The following PPP2R2D variants were observed in gnomAD, a reference collection of about 807,000 sequenced individuals.
PPP2R2D encodes protein phosphatase 2 regulatory subunit Bdelta.
PPP2R2D carries 9 observed loss-of-function variants against 31.1 expected under a neutral mutation model. The observed-to-expected ratio is 0.29, with a 90% CI of 0.17 to 0.51. PPP2R2D has a LOEUF of 0.51. Ranked by LOEUF, PPP2R2D falls within the 20% of genes least tolerant of loss-of-function variation. PPP2R2D has a pLI of 0.98. For missense variants in PPP2R2D, 391 were observed against 465.6 expected, an observed-to-expected ratio of 0.84 and a Z score of 1.48; for synonymous variants, 179 against 172.6, an observed-to-expected ratio of 1.04 and a Z score of -0.29.
chr10:131,902,306 C>T (rs1009784874), intron 2 of PPP2R2D, among the ~76,000 whole-genome samples: 1 of 152,208 alleles, frequency 6.6e-6, no homozygotes, highest in African/African-American at 2.4e-5. Flanking sequence ...TTCCCTGCCT[C>T]AAGTTACTAA....
intron 8 of PPP2R2D, among the ~76,000 whole-genome samples, chr10:131,954,354 G>A (rs1554899579): frequency 6.6e-6 from 1 of 152,242 alleles, no homozygotes; most frequent in Non-Finnish European, 1.5e-5. Context: ...TAACATAAAT[G>A]TAAGCTTCAG....
chr10:131,951,266 G>A (rs1434135638), intron 8 of PPP2R2D, among the ~76,000 whole-genome samples: 1 of 152,216 alleles, frequency 6.6e-6, no homozygotes, highest in East Asian at 1.9e-4. Flanking sequence ...CTTCTTGCAT[G>A]TTCAGACAAG....
At position 131,901,252 on chromosome 10, in the gene PPP2R2D, G is replaced by A; in HGVS notation, c.22G>A (p.Gly8Ser). 1 of 357,362 alleles carries A rather than the reference G, an allele frequency of 2.8e-6. No individual in the cohort carries two copies. The highest frequency in any genetic ancestry group is 5.0e-6 in the Non-Finnish European group (1 of 199,484). The allele number at this position is 357,362 out of a possible 1,614,324, so 22.1% of individuals were successfully genotyped here. A position where few individuals can be genotyped will look rare whatever the true frequency, so the allele number is the denominator to read the frequency against. The change falls in exon 2 of 9, where the codon GGC (glycine) becomes AGC (serine). Residue 8 changes from glycine to serine, a missense_variant. This residue lies in a region of PPP2R2D where 105 missense variants were observed against 98.5 expected (regional missense o/e 1.07). Coordinates refer to ENST00000455566, the MANE Select transcript of PPP2R2D (RefSeq NM_018461.5). ...TGTGTTTGCAGGAGCCGGAGGCGGCGGCTGCCCCGCGGGCGGCAACGACTT... is the reference window on the plus strand; with the variant it reads ...TGTGTTTGCAGGAGCCGGAGGCGGCAGCTGCCCCGCGGGCGGCAACGACTT... MAGAGGG[G>S]CPAGGNDFQW...
In PPP2R2D at chr10:131,955,745, G is replaced by C. The variant is rs1160540854; in HGVS notation, c.1144G>C (p.Asp382His). Reference sequence around the variant, plus strand: ...GATGTTTGATAGAGACACGCGGAGGGATGTGACCCTGGAGGCCTCGAGAGA... The same window carrying C: ...GATGTTTGATAGAGACACGCGGAGGCATGTGACCCTGGAGGCCTCGAGAGA... ...FRMFDRDTRR[D>H]VTLEASRESS... Residue 382 changes from aspartate (D) to histidine (H), a missense_variant, in exon 9 of 9, where the codon GAT (aspartate) becomes CAT (histidine). Transcript: ENST00000455566. The C allele has an allele frequency of 1.4e-5, 21 of 1,555,192 alleles. No individual in the cohort carries two copies. Among genetic ancestry groups the C allele is most frequent in the Non-Finnish European group, 1.7e-5 (20 of 1,145,468 alleles).
intron 8 of PPP2R2D, among the ~76,000 whole-genome samples, chr10:131,948,081 A>G (rs931435081): frequency 6.6e-6 from 1 of 152,306 alleles, no homozygotes; most frequent in Non-Finnish European, 1.5e-5. Context: ...ATTACTTTTT[A>G]TTATGCTGAT....
chr10:131,947,903 GTGT>G lies in PPP2R2D; in HGVS notation c.1082+117_1082+119del, dbSNP rs1432028681. 5.1e-6 allele frequency: 7 copies of G among 1,382,600 alleles called. No individual in the cohort carries two copies. The African/African-American group carries it at 1.0e-4, about 20-fold the overall frequency. 85.6% of individuals were successfully genotyped at this position (1,382,600 alleles called of 1,614,324 possible). On this transcript the variant is annotated intron_variant, in intron 8 of 8. Transcript: ENST00000455566. This position sits in a 1 kb window ranked among gnomAD's most constrained non-coding sequence, Gnocchi z 4.3. ...AGCGTCAGAGGAGGACGCTCATAGG[GTGT>G]TGTTTTCCAGACCTTTTGATTGATG...
In PPP2R2D at chr10:131,955,646, C is replaced by T. The variant is rs781865044; in HGVS notation, c.1083-38C>T. The T allele has an allele frequency of 5.1e-6, 7 of 1,367,354 alleles. No individual in the cohort carries two copies. In the Admixed American group the frequency reaches 1.1e-4, roughly 22 times the overall value. The allele number at this position is 1,367,354 out of a possible 1,614,324, so 84.7% of individuals were successfully genotyped here. ...TCTGAGTCCTTGCTGCCGCTCCCCC[C>T]ACTGAGGAGTGCTGCTGTCTGCTCT... On this transcript the variant is annotated intron_variant, in intron 8 of 8. Transcript: ENST00000455566.
Position 131,955,845 on chromosome 10 carries a change from G to C in PPP2R2D, c.1244G>C (p.Ser415Thr), listed in dbSNP as rs565049203. Residue 415 changes from serine (S) to threonine (T), a missense_variant, in exon 9 of 9, where the codon AGT becomes ACT. By Grantham distance (58) the Ser-to-Thr change is moderately conservative. This residue lies in a region of PPP2R2D where 163 missense variants were observed against 179.5 expected (regional missense o/e 0.91). Coordinates refer to ENST00000455566, the MANE Select transcript of PPP2R2D (RefSeq NM_018461.5). ...TGGKRRKDEI[S>T]VDSLDFNKKI... ...GGTAAGCGGAGGAAAGACGAGATCA[G>C]TGTGGACAGTCTGGACTTCAACAAG... is the stretch of plus-strand genomic sequence containing the variant. 4 of 1,610,718 alleles carry C rather than the reference G, an allele frequency of 2.5e-6. No homozygotes were observed. The South Asian group carries it at 4.4e-5, about 18-fold the overall frequency.
chr10:131,930,619 T>A (rs1042379670), intron 2 of PPP2R2D, among the ~76,000 whole-genome samples: 22 of 152,238 alleles, frequency 1.4e-4, no homozygotes, highest in Admixed American at 1.3e-3. Context: ...CCACCATGTT[T>A]CCTGCAACCT....
intron 2 of PPP2R2D, among the ~76,000 whole-genome samples, chr10:131,921,611 T>C (rs1554894259): frequency 6.6e-6 from 1 of 152,142 alleles, no homozygotes; most frequent in African/African-American, 2.4e-5. Flanking sequence ...TGGTCTTTAC[T>C]AAGGGCAGTG....
chr10:131,903,065 A>T (rs941639376), intron 2 of PPP2R2D, among the ~76,000 whole-genome samples: 1 of 145,448 alleles, frequency 6.9e-6, no homozygotes, highest in Non-Finnish European at 1.5e-5. Flanking sequence ...TTCTTTACTT[A>T]AAAAAAAAAA....
At chr10:131,964,365 C>T (rs564110315), downstream of PPP2R2D, among the ~76,000 whole-genome samples, 1 of 151,906 alleles carries the variant, frequency 6.6e-6, no homozygotes, top group South Asian at 2.1e-4. Context: ...AAATAACCGT[C>T]ACCACCACCG....
chr10:131,946,659 A>G (rs189709377), intron 7 of PPP2R2D, among the ~76,000 whole-genome samples: 2 of 152,258 alleles, frequency 1.3e-5, no homozygotes, highest in Admixed American at 1.3e-4. Context: ...AGAGTGATTT[A>G]TTTGAGTAAA....
chr10:131,963,008 C>CA (rs1223449307), downstream of PPP2R2D, among the ~76,000 whole-genome samples: 4 of 152,138 alleles, frequency 2.6e-5, no homozygotes, highest in African/African-American at 4.8e-5. Context: ...ACTAAAAATA[C>CA]AAAAAATTTA....
At chr10:131,964,765 TTTA>T (rs1265852407), downstream of PPP2R2D, among the ~76,000 whole-genome samples, 1 of 150,920 alleles carries the variant, frequency 6.6e-6, no homozygotes. Flanking sequence ...TCAGTATGGC[TTTA>T]TTATTTATAA....
intron 2 of PPP2R2D, among the ~76,000 whole-genome samples, chr10:131,929,293 C>T (rs1000276249): frequency 2.4e-4 from 36 of 152,206 alleles, no homozygotes; most frequent in Non-Finnish European, 4.4e-5. Context: ...GCTGGAAATG[C>T]CATCGTGGGA....
chr10:131,971,000 CAGTGT>C, the PPP2R2D span: 1 of 1,595,474 alleles, frequency 6.3e-7, no homozygotes, highest in South Asian at 1.1e-5. This position sits in a 1 kb window ranked among gnomAD's most constrained non-coding sequence, Gnocchi z 4.1. Flanking sequence ...AAAGGCAGAT[CAGTGT>C]ACCACACGTG....
At chr10:131,918,283 G>A (rs577353206) in intron 2 of PPP2R2D, among the ~76,000 whole-genome samples, 10 of 150,388 alleles carry the variant, frequency 6.6e-5, no homozygotes, top group South Asian at 4.2e-4. Context: ...GACCTCAGGC[G>A]GGTGGAATGA....
chr10:131,969,925 A>G, the PPP2R2D span: 2 of 152,624 alleles, frequency 1.3e-5, no homozygotes, highest in African/African-American at 2.4e-5. Context: ...GCGGTGGCTC[A>G]CGCCTGTAAT....
Sources: allele counts gnomAD v4.1 joint callset (sites outside exome capture counted in the v4.1 genomes callset), GRCh38; gene constraint gnomAD v4.1.1; regional missense constraint gnomAD v4.1.1; non-coding constraint Gnocchi (gnomAD v3.1); transcripts MANE v1.5; gene names NCBI Gene and HGNC (gene_info 2026-07-23, HGNC 2026-07-21).